The following CLSTN1 variants were observed in gnomAD, a reference collection of about 807,000 sequenced individuals.
CLSTN1 encodes calsyntenin-1.
A neutral mutation model predicts 108.3 loss-of-function variants in CLSTN1; 28 were observed. That is an observed-to-expected ratio of 0.26 (90% CI 0.19 to 0.35). The LOEUF is 0.35. Among genes scored for constraint, CLSTN1 ranks in the 10% least tolerant of loss-of-function variants. CLSTN1 has a pLI of 1.00. For synonymous variants in CLSTN1, 524 were observed against 534.9 expected, an observed-to-expected ratio of 0.98 and a Z score of 0.28; for missense variants, 1,157 against 1,302.6, an observed-to-expected ratio of 0.89 and a Z score of 1.72.
intron 1 of CLSTN1, among the ~76,000 whole-genome samples, chr1:9,796,266 C>A (rs200142619): frequency 0.022 from 2,701 of 121,142 alleles, 1 homozygote; most frequent in Non-Finnish European, 0.028. Context: ...TCTCCAAAAA[C>A]AAAAAAAAAA....
intron 12 of CLSTN1, 71 bp downstream of exon 12, chr1:9,735,814 C>CA (rs766330990): frequency 3.5e-5 from 55 of 1,579,378 alleles, no homozygotes; most frequent in Non-Finnish European, 4.7e-5. Flanking sequence ...CTCACTCCCT[C>CA]ATCCCACCAG....
At position 9,730,553 on chromosome 1, in the gene CLSTN1, G is replaced by A; in HGVS notation, c.2901C>T (p.Thr967=). The stretch of plus-strand genomic sequence containing the variant: ...CATCCCACTCCAGCTGCTGCTGCCG[G>A]GTTGCGTTCTGGGGGTCGCCCTGCT... ...EGEQGDPQNA[T]RQQQLEWDDS... Residue 967 remains threonine (T), a synonymous_variant, in exon 19 of 19, where the codon ACC becomes ACT. Coordinates refer to ENST00000377298, the MANE Select transcript of CLSTN1 (RefSeq NM_001009566.3). The surrounding 1 kb of genome is among the most constrained non-coding windows in gnomAD (Gnocchi z 5.6). The A allele has an allele frequency of 6.2e-7, 1 of 1,607,988 alleles. No individual in the cohort carries two copies.
intron 1 of CLSTN1, among the ~76,000 whole-genome samples, chr1:9,815,900 C>A (rs1570528228): frequency 6.6e-6 from 1 of 152,182 alleles, no homozygotes; most frequent in South Asian, 2.1e-4. Context: ...AACATCACTG[C>A]ACTCCAGCCT....
intron 8 of CLSTN1, 63 bp downstream of exon 8, chr1:9,744,332 G>A: frequency 6.5e-7 from 1 of 1,540,986 alleles, no homozygotes; most frequent in Non-Finnish European, 8.7e-7. Flanking sequence ...GAGGGAGCCT[G>A]CCGCTGGCAC....
intron 1 of CLSTN1, among the ~76,000 whole-genome samples, chr1:9,816,238 A>C (rs1321060312): frequency 2.0e-5 from 3 of 152,292 alleles, no homozygotes; most frequent in African/African-American, 7.2e-5. Flanking sequence ...ACATCATATT[A>C]AGCAAAAGAA....
At chr1:9,735,838 A>C (rs1339174152) in intron 12 of CLSTN1, 47 bp downstream of exon 12, 1 of 1,607,228 alleles carries the variant, frequency 6.2e-7, no homozygotes, top group African/African-American at 1.3e-5. Flanking sequence ...CCGGGGCTGT[A>C]GTCTAAGGGG....
At chr1:9,759,545 G>A (rs985654091) in intron 2 of CLSTN1, among the ~76,000 whole-genome samples, 5 of 152,216 alleles carry the variant, frequency 3.3e-5, no homozygotes, top group Admixed American at 2.6e-4. Flanking sequence ...GCCTCCCAAA[G>A]TGCTGAGATT....
intron 1 of CLSTN1, among the ~76,000 whole-genome samples, chr1:9,773,610 G>A (rs575625271): frequency 6.6e-6 from 1 of 152,110 alleles, no homozygotes; most frequent in Non-Finnish European, 1.5e-5. Context: ...CTGAATCCAT[G>A]AAGCAACCAG....
chr1:9,750,403 C>T (rs1489355601), intron 5 of CLSTN1, among the ~76,000 whole-genome samples: 2 of 152,228 alleles, frequency 1.3e-5, no homozygotes, highest in South Asian at 2.1e-4. Flanking sequence ...AGATTCTAGA[C>T]CGTGCATTGA....
chr1:9,818,501 G>GT (rs918055464), intron 1 of CLSTN1, among the ~76,000 whole-genome samples: 10 of 144,920 alleles, frequency 6.9e-5, no homozygotes, highest in Admixed American at 1.3e-4. Context: ...GCTAATTTTT[G>GT]TATTTTTAGT....
chr1:9,752,043 A>G (rs747513623), intron 4 of CLSTN1, among the ~76,000 whole-genome samples: 7 of 152,202 alleles, frequency 4.6e-5, no homozygotes, highest in Non-Finnish European at 1.0e-4. Context: ...TTGCTCTCCA[A>G]TTATAAAGTT....
At chr1:9,777,723 TC>T (rs1653024560) in intron 1 of CLSTN1, among the ~76,000 whole-genome samples, 2 of 152,274 alleles carry the variant, frequency 1.3e-5, no homozygotes, top group African/African-American at 4.8e-5. Flanking sequence ...ACCTGAGTTC[TC>T]GTCTCTACCC....
At chr1:9,758,360 C>T (rs532098718) in intron 2 of CLSTN1, among the ~76,000 whole-genome samples, 2 of 151,846 alleles carry the variant, frequency 1.3e-5, no homozygotes, top group East Asian at 3.9e-4. Context: ...GTTGCCCAGG[C>T]TGGAGTACAG....
At chr1:9,743,760 G>T in intron 9 of CLSTN1, 124 bp downstream of exon 9, 32 of 931,406 alleles carry the variant, frequency 3.4e-5, no homozygotes, top group Middle Eastern at 3.6e-4. Context: ...TCTTAGTAAT[G>T]TTGCCCAGGC....
At position 9,773,328 on chromosome 1, in the gene CLSTN1, A is replaced by ACGGTGTTGT; in HGVS notation, c.149_157dup (p.Asp50_Thr52dup). 2 of 1,614,210 alleles carry ACGGTGTTGT rather than the reference A, an allele frequency of 1.2e-6. No individual in the cohort carries two copies. The highest frequency in any genetic ancestry group is 1.7e-6 in the Non-Finnish European group (2 of 1,180,034). On this transcript the variant is annotated inframe_insertion, in exon 2 of 19. Coordinates refer to ENST00000377298, the MANE Select transcript of CLSTN1 (RefSeq NM_001009566.3). ...CGCGATCAGTGGGGGGTCGAGGAGC[A>ACGGTGTTGT]CGGTGTTGTCGTTCTCTGTGACTAT...
intron 1 of CLSTN1, among the ~76,000 whole-genome samples, chr1:9,818,774 ACTCT>A (rs1488441485): frequency 4.4e-4 from 59 of 135,626 alleles, no homozygotes; most frequent in Middle Eastern, 4.1e-3. Context: ...TCTTCAAGCA[ACTCT>A]TTTTTTTTTT....
rs768409493 is a variant in CLSTN1, at chr1:9,741,259, A to G, written c.1357-3T>C. On this transcript the variant is annotated splice_region_variant and splice_polypyrimidine_tract_variant and intron_variant, in intron 9 of 18. Coordinates refer to ENST00000377298, the MANE Select transcript of CLSTN1 (RefSeq NM_001009566.3). ...TGGTGCCATTCCTCATCACAGACCT[A>G]CAGAGGCAAAGGGAAGCGGGGAGGT... 6.2e-7 allele frequency: 1 copy of G among 1,603,152 alleles called. No homozygotes were observed. The highest frequency in any genetic ancestry group is 1.1e-5 in the South Asian group (1 of 90,864).
intron 2 of CLSTN1, among the ~76,000 whole-genome samples, chr1:9,757,367 G>A (rs182989902): frequency 4.0e-5 from 6 of 149,586 alleles, no homozygotes; most frequent in East Asian, 4.0e-4. Flanking sequence ...TCAGCCTCCC[G>A]AGTAGCTGGG....
chr1:9,733,689 GGGAA>G, intron 15 of CLSTN1, 143 bp from the exon 16 acceptor site: 1 of 972,666 alleles, frequency 1.0e-6, no homozygotes, highest in Non-Finnish European at 1.5e-6. Context: ...TTCTAGCCAT[GGGAA>G]TAAATGCAAT....
Sources: gnomAD v4.1 joint callset for allele counts (sites outside exome capture counted in the v4.1 genomes callset) on GRCh38, gnomAD v4.1.1 for gene constraint, Gnocchi (gnomAD v3.1) non-coding constraint, MANE v1.5 for transcripts, NCBI Gene and HGNC (gene_info 2026-07-23, HGNC 2026-07-21) for gene names.